The following ACTN2 variants were observed in gnomAD, a reference collection of about 807,000 sequenced individuals.
The protein encoded by ACTN2 is actinin alpha 2, also known as alpha-actinin-2.
In ACTN2, 39 loss-of-function variants were observed where a neutral mutation model predicts 113.8. The ratio of observed to expected loss-of-function variants is 0.34; its 90% CI spans 0.27 to 0.45. The LOEUF is 0.45. ACTN2 is among the 20% of genes least tolerant of loss of function. ACTN2 has a pLI of 1.00. For missense variants in ACTN2, 992 were observed against 1,177.9 expected (o/e 0.84, Z 2.31); for synonymous variants, 429 against 444.1 (o/e 0.97, Z 0.43).
chr1:236,738,153 G>A (rs971780936), intron 9 of ACTN2, among the ~76,000 whole-genome samples: 4 of 152,174 alleles, frequency 2.6e-5, no homozygotes, highest in Admixed American at 1.3e-4. Context: ...GGGATTACAG[G>A]CGTGCACCAC....
chr1:236,687,761 C>T (rs1412638049), intron 1 of ACTN2, among the ~76,000 whole-genome samples: 1 of 152,138 alleles, frequency 6.6e-6, no homozygotes, highest in Non-Finnish European at 1.5e-5. Context: ...GCTGATTGTG[C>T]GATAGTATTT....
At chr1:236,747,618 C>G (rs776764013) in intron 12 of ACTN2, 49 bp from the exon 13 acceptor site, 3 of 1,525,288 alleles carry the variant, frequency 2.0e-6, no homozygotes, top group Non-Finnish European at 2.7e-6. Context: ...TGTTCATTTT[C>G]TCTCATCATC....
intron 4 of ACTN2, among the ~76,000 whole-genome samples, chr1:236,720,470 C>A (rs1658351596): frequency 6.6e-6 from 1 of 152,154 alleles, no homozygotes; most frequent in Non-Finnish European, 1.5e-5. Flanking sequence ...GCTTATTATA[C>A]TAGTAAATTT....
At chr1:236,759,092 A>G (rs1659632878) in intron 18 of ACTN2, among the ~76,000 whole-genome samples, 1 of 152,212 alleles carries the variant, frequency 6.6e-6, no homozygotes, top group Admixed American at 6.5e-5. Flanking sequence ...TCAGAGAGCT[A>G]GGCATAAGTA....
chr1:236,761,330 A>G (rs965398632), intron 20 of ACTN2, among the ~76,000 whole-genome samples, 157 bp downstream of exon 20: 1 of 152,166 alleles, frequency 6.6e-6, no homozygotes, highest in African/African-American at 2.4e-5. Flanking sequence ...ACACACAACA[A>G]TGGCGCGCCC....
intron 20 of ACTN2, among the ~76,000 whole-genome samples, chr1:236,762,217 A>G (rs904396406): frequency 2.0e-5 from 3 of 152,178 alleles, no homozygotes; most frequent in Non-Finnish European, 2.9e-5. Context: ...GAGAACTACT[A>G]GTAATGCTCC....
At chr1:236,745,236 C>T (rs1039926098) in intron 12 of ACTN2, among the ~76,000 whole-genome samples, 3 of 152,088 alleles carry the variant, frequency 2.0e-5, no homozygotes, top group Non-Finnish European at 2.9e-5. Context: ...AGATCGAGAC[C>T]ATCCTGGCTA....
chr1:236,746,880 A>C (rs1659253511), intron 12 of ACTN2, among the ~76,000 whole-genome samples: 1 of 152,200 alleles, frequency 6.6e-6, no homozygotes, highest in East Asian at 1.9e-4. Context: ...GGAAGGGCTC[A>C]GTTCGGCCCC....
In ACTN2 at chr1:236,751,536, A is replaced by C. The variant is rs756815410; in HGVS notation, c.1723A>C (p.Ile575Leu). The part of the protein sequence containing the change: ...LPEADGERQS[I>L]MAIQNEVEKV... ...CGAGGCGGACGGAGAGCGGCAGTCC[A>C]TCATGGCCATCCAGAACGAGGTGGA... The change falls in exon 15 of 21, where the codon ATC becomes CTC. Residue 575 changes from isoleucine to leucine, a missense_variant. Transcript: ENST00000366578. The C allele has an allele frequency of 3.7e-6, 6 of 1,614,022 alleles. No individual in the cohort carries two copies. The highest frequency in any genetic ancestry group is 1.3e-5 in the African/African-American group (1 of 74,920).
intron 6 of ACTN2, among the ~76,000 whole-genome samples, chr1:236,730,936 C>A (rs1482271535): frequency 6.6e-6 from 1 of 152,136 alleles, no homozygotes; most frequent in African/African-American, 2.4e-5. Context: ...ATTTCTAGGC[C>A]TGAAGATCAG....
chr1:236,699,459 G>T (rs1657611125), intron 1 of ACTN2, among the ~76,000 whole-genome samples: 2 of 152,190 alleles, frequency 1.3e-5, no homozygotes, highest in Non-Finnish European at 2.9e-5. Context: ...TAAACTTCTT[G>T]AGAGTTTTAG....
chr1:236,710,215 T>A (rs1465761173), intron 1 of ACTN2, among the ~76,000 whole-genome samples: 1 of 152,254 alleles, frequency 6.6e-6, no homozygotes, highest in Non-Finnish European at 1.5e-5. Context: ...TTTTCACTCA[T>A]TTTGATTAAA....
At chr1:236,713,381 C>A (rs1445958561) in intron 1 of ACTN2, among the ~76,000 whole-genome samples, 1 of 152,128 alleles carries the variant, frequency 6.6e-6, no homozygotes, top group Non-Finnish European at 1.5e-5. Flanking sequence ...GTGTGCATCA[C>A]CATGTACAAC....
chr1:236,713,529 G>C (rs1181425930), intron 1 of ACTN2, among the ~76,000 whole-genome samples: 1 of 152,110 alleles, frequency 6.6e-6, no homozygotes, highest in Non-Finnish European at 1.5e-5. Flanking sequence ...GCCAAGCAAA[G>C]TATAGAACAA....
chr1:236,758,303 A>ATTTTTTTT (rs1349813845), intron 18 of ACTN2, among the ~76,000 whole-genome samples: 11 of 136,010 alleles, frequency 8.1e-5, no homozygotes, highest in African/African-American at 2.9e-4. Flanking sequence ...TTTTTTTTTA[A>ATTTTTTTT]TGAGACGGAG....
intron 19 of ACTN2, among the ~76,000 whole-genome samples, 180 bp downstream of exon 19, chr1:236,759,969 G>C (rs752284469): frequency 2.6e-5 from 4 of 152,224 alleles, no homozygotes; most frequent in Non-Finnish European, 4.4e-5. Flanking sequence ...CACGAGGCCT[G>C]GCGCAGTGGC....
At chr1:236,711,316 T>C (rs1229684658) in intron 1 of ACTN2, among the ~76,000 whole-genome samples, 1 of 152,216 alleles carries the variant, frequency 6.6e-6, no homozygotes, top group African/African-American at 2.4e-5. Flanking sequence ...TGTCTTAACT[T>C]CTGTGGTGGG....
At position 236,731,302 on chromosome 1, in the gene ACTN2, T is replaced by C. The variant is rs1447753491; in HGVS notation, c.685T>C (p.Leu229=). The change falls in exon 7 of 21, where the codon TTG becomes CTG. Residue 229 remains leucine (L), a synonymous_variant. Transcript: ENST00000366578. ...AEKHLDIPKM[L]DAEDIVNTPK... The stretch of plus-strand genomic sequence containing the variant: ...GAAGCACCTGGATATTCCTAAAATG[T>C]TGGATGCTGAAGGTGAGATGAAAAT... 2 of 1,613,444 alleles carry C rather than the reference T, an allele frequency of 1.2e-6. No individual in the cohort carries two copies. Among genetic ancestry groups the C allele is most frequent in the Non-Finnish European group, 8.5e-7 (1 of 1,179,372 alleles).
In ACTN2 at chr1:236,749,356, G is replaced by T. The variant is rs3818883; in HGVS notation, c.1656+92G>T. The T allele has an allele frequency of 0.051, 78,240 of 1,542,002 alleles. 4,373 individuals are homozygous for T. Among genetic ancestry groups the T allele is most frequent in the African/African-American group, 0.27 (19,933 of 72,610 alleles). Reference sequence around the variant, plus strand: ...CTGTTATTTGGTTTCTTGTTTTCTTGCTTTAAAAAAAAATTAACAAATGTG... The same window carrying T: ...CTGTTATTTGGTTTCTTGTTTTCTTTCTTTAAAAAAAAATTAACAAATGTG... On this transcript the variant is annotated intron_variant, in intron 14 of 20. Coordinates refer to ENST00000366578, the MANE Select transcript of ACTN2 (RefSeq NM_001103.4).
Sources: gnomAD v4.1 joint callset for allele counts (sites outside exome capture counted in the v4.1 genomes callset) on GRCh38, gnomAD v4.1.1 for gene constraint, MANE v1.5 for transcripts, NCBI Gene and HGNC (gene_info 2026-07-23, HGNC 2026-07-21) for gene names.